CNTN6: variants seen among roughly 807,000 people sequenced by gnomAD.
The protein encoded by CNTN6 is contactin 6.
In CNTN6, 137 loss-of-function variants were observed where a neutral mutation model predicts 122.8. The ratio of observed to expected loss-of-function variants is 1.12; its 90% CI spans 0.97 to 1.29. The LOEUF (loss-of-function observed/expected upper bound fraction) is 1.29. CNTN6 is among the 50% of genes most tolerant of loss of function. CNTN6 has a pLI of 0.00. For missense variants in CNTN6, 1,634 were observed against 1,223.4 expected, an observed-to-expected ratio of 1.34 and a Z score of -5.01; for synonymous variants, 570 against 426.0, an observed-to-expected ratio of 1.34 and a Z score of -4.16.
intron 4 of CNTN6, among the ~76,000 whole-genome samples, chr3:1,261,953 T>A (rs565270640): frequency 6.6e-6 from 1 of 152,286 alleles, no homozygotes; most frequent in African/African-American, 2.4e-5. Context: ...GGTTAGTTTT[T>A]AGTTGTTCTT....
rs1380401042 is a variant in CNTN6, at chr3:1,242,069, T to G, written c.358+14076T>G. ...GTTTGAGAGATCAGTCGGACACGAT[T>G]GGCAGGGAAAGCACGTGTGTTTTTA... is the stretch of plus-strand genomic sequence containing the variant. On this transcript the variant is annotated intron_variant, in intron 4 of 22. Coordinates refer to ENST00000446702, the MANE Select transcript of CNTN6 (RefSeq NM_001289080.2). 2.0e-5 allele frequency among the ~76,000 whole-genome samples: 3 copies of G among 152,192 alleles called. No homozygotes were observed. In the East Asian group the frequency reaches 5.8e-4, roughly 29 times the overall value.
intron 2 of CNTN6, among the ~76,000 whole-genome samples, chr3:1,190,135 G>A (rs1273929998): frequency 6.6e-6 from 1 of 152,138 alleles, no homozygotes; most frequent in African/African-American, 2.4e-5. Flanking sequence ...ATCCTCACAT[G>A]GCCTTTCCTG....
At chr3:1,209,960 A>T (rs2094011355) in intron 2 of CNTN6, among the ~76,000 whole-genome samples, 1 of 152,198 alleles carries the variant, frequency 6.6e-6, no homozygotes, top group Non-Finnish European at 1.5e-5. Flanking sequence ...CCTTAGTAAG[A>T]TGTATCTCTC....
At chr3:1,337,937 G>A (rs906016448) in intron 11 of CNTN6, among the ~76,000 whole-genome samples, 5 of 151,796 alleles carry the variant, frequency 3.3e-5, no homozygotes, top group Non-Finnish European at 5.9e-5. Flanking sequence ...CACTGATCTG[G>A]GGCACTCACC....
At chr3:1,152,655 C>T (rs1178889606) in intron 2 of CNTN6, among the ~76,000 whole-genome samples, 1 of 152,096 alleles carries the variant, frequency 6.6e-6, no homozygotes, top group Non-Finnish European at 1.5e-5. Context: ...CTTACCATGG[C>T]TTTTATGTAC....
chr3:1,242,536 C>A (rs1271018480), intron 4 of CNTN6, among the ~76,000 whole-genome samples: 1 of 152,144 alleles, frequency 6.6e-6, no homozygotes, highest in African/African-American at 2.4e-5. Context: ...TGAAAGCGTG[C>A]TGTGGGATGG....
chr3:1,310,768 G>A (rs1699102971), intron 7 of CNTN6, among the ~76,000 whole-genome samples: 1 of 152,156 alleles, frequency 6.6e-6, no homozygotes, highest in Admixed American at 6.5e-5. Context: ...TTGGGAGGCT[G>A]AGGCGGGCAG....
At position 1,248,658 on chromosome 3, in the gene CNTN6, A is replaced by G. The variant is rs560588955; in HGVS notation, c.358+20665A>G. Among the ~76,000 whole-genome samples the G allele has an allele frequency of 1.7e-4, 26 of 152,184 alleles. No individual in the cohort carries two copies. In the South Asian group the frequency reaches 5.0e-3, roughly 29 times the overall value. On this transcript the variant is annotated intron_variant, in intron 4 of 22. Transcript: ENST00000446702. ...AACATGGTGAAACTCTGTCTCCACT[A>G]AAAATACAAAAATTAGCCAGGTGTG...
chr3:1,252,367 A>G (rs1375472829), intron 4 of CNTN6, among the ~76,000 whole-genome samples: 1 of 152,156 alleles, frequency 6.6e-6, no homozygotes, highest in Non-Finnish European at 1.5e-5. Flanking sequence ...TACAATTGTG[A>G]TTCCTGACAA....
chr3:1,143,348 G>T (rs775782301), intron 1 of CNTN6, among the ~76,000 whole-genome samples: 2 of 151,934 alleles, frequency 1.3e-5, no homozygotes, highest in African/African-American at 4.8e-5. Context: ...CACTGCTCTG[G>T]GCCAAATTAT....
chr3:1,396,151 C>G (rs17038652), intron 20 of CNTN6, among the ~76,000 whole-genome samples: 39,422 of 152,078 alleles, frequency 0.26, 5,573 homozygotes, highest in East Asian at 0.52. Context: ...CAAGATCTTT[C>G]ACAATGTGTC....
chr3:1,266,503 C>T (rs564929004), intron 4 of CNTN6, among the ~76,000 whole-genome samples: 4 of 152,296 alleles, frequency 2.6e-5, no homozygotes, highest in African/African-American at 4.8e-5. Flanking sequence ...CTTCACGCTT[C>T]TTGTATAAAC....
intron 1 of CNTN6, among the ~76,000 whole-genome samples, chr3:1,110,567 C>G (rs554021781): frequency 6.6e-6 from 1 of 152,006 alleles, no homozygotes; most frequent in Non-Finnish European, 1.5e-5. Context: ...AAAGAAATTC[C>G]TTATACAGAC....
rs1446472041 is a variant in CNTN6 at position 1,227,945 on chromosome 3, A to G, written c.310A>G (p.Asn104Asp). The G allele has an allele frequency of 6.2e-7, 1 of 1,613,946 alleles. No individual in the cohort carries two copies. Among genetic ancestry groups the G allele is most frequent in the African/African-American group, 1.3e-5 (1 of 74,916 alleles). The change falls in exon 4 of 23, where the codon AAT becomes GAT. Residue 104 changes from asparagine to aspartate, a missense_variant. Transcript: ENST00000446702. ...TGGCATGTACCAGTGCCTGGCCACC[A>G]ATCTTCTGGGGACAATTCTGAGTCG... is the stretch of plus-strand genomic sequence containing the variant. Reference protein sequence around the residue: ...DIGMYQCLATNLLGTILSRKA... With the variant: ...DIGMYQCLATDLLGTILSRKA...
chr3:1,245,229 T>C (rs867982265), intron 4 of CNTN6, among the ~76,000 whole-genome samples: 151 of 12,112 alleles, frequency 0.012, 9 homozygotes, highest in Non-Finnish European at 0.019. Context: ...TATATATATA[T>C]ATATATACAC....
chr3:1,337,056 C>A (rs1030271342), intron 11 of CNTN6, among the ~76,000 whole-genome samples: 1 of 152,094 alleles, frequency 6.6e-6, no homozygotes, highest in Admixed American at 6.6e-5. Context: ...GTAAAATGGT[C>A]CCCTTGGGAA....
At chr3:1,146,225 A>T (rs1228682321) in intron 1 of CNTN6, among the ~76,000 whole-genome samples, 1 of 152,148 alleles carries the variant, frequency 6.6e-6, no homozygotes, top group Admixed American at 6.6e-5. Context: ...ATGCATTAAC[A>T]TGACCTAAAT....
At chr3:1,348,101 C>T (rs1420918076) in intron 11 of CNTN6, among the ~76,000 whole-genome samples, 1 of 130,424 alleles carries the variant, frequency 7.7e-6, no homozygotes, top group Non-Finnish European at 1.6e-5. Context: ...CGATTTATAT[C>T]AATTAATCCT....
At chr3:1,253,456 G>C (rs1467682481) in intron 4 of CNTN6, among the ~76,000 whole-genome samples, 4 of 152,240 alleles carry the variant, frequency 2.6e-5, no homozygotes, top group African/African-American at 7.2e-5. Flanking sequence ...ATACAGGGAG[G>C]AAAAGTCCTT....
Sources: allele counts gnomAD v4.1 joint callset (sites outside exome capture counted in the v4.1 genomes callset), GRCh38; gene constraint gnomAD v4.1.1; transcripts MANE v1.5; gene names NCBI Gene and HGNC (gene_info 2026-07-23, HGNC 2026-07-21).